The following ANO10 variants were observed in gnomAD, a reference collection of about 807,000 sequenced individuals.
The protein encoded by ANO10 is anoctamin 10.
ANO10 carries 77 observed loss-of-function variants against 74.7 expected under a neutral mutation model. The observed-to-expected ratio is 1.03, with a 90% CI of 0.86 to 1.25. The LOEUF (loss-of-function observed/expected upper bound fraction) is 1.25. Among genes scored for constraint, ANO10 ranks in the 50% most tolerant of loss-of-function variants. The probability of loss-of-function intolerance (pLI) is 0.00; values close to 1 mark genes in which losing one functional copy is unlikely to be tolerated. For synonymous variants in ANO10, 279 were observed against 284.9 expected (o/e 0.98, Z 0.21); for missense variants, 721 against 778.1 (o/e 0.93, Z 0.87).
chr3:43,471,118 TTC>T (rs1185141777), intron 11 of ANO10, among the ~76,000 whole-genome samples: 4 of 152,232 alleles, frequency 2.6e-5, no homozygotes, highest in Non-Finnish European at 4.4e-5. Flanking sequence ...TAATGATTTC[TTC>T]TCTTACATAA....
intron 11 of ANO10, among the ~76,000 whole-genome samples, chr3:43,488,045 C>T (rs1188417351): frequency 6.6e-6 from 1 of 152,150 alleles, no homozygotes; most frequent in Non-Finnish European, 1.5e-5. Flanking sequence ...CTTTGAAAAA[C>T]CTGACAAAAA....
At chr3:43,674,296 T>TGTA in intron 1 of ANO10, among the ~76,000 whole-genome samples, 1 of 152,176 alleles carries the variant, frequency 6.6e-6, no homozygotes, top group Non-Finnish European at 1.5e-5. Flanking sequence ...TGCATCACCA[T>TGTA]ACACAGCTAA....
chr3:43,442,002 A>T (rs1160843525), intron 11 of ANO10, among the ~76,000 whole-genome samples: 2 of 152,158 alleles, frequency 1.3e-5, no homozygotes, highest in African/African-American at 4.8e-5. Flanking sequence ...AAATTACCTT[A>T]ACATACTAAA....
At chr3:43,541,567 AT>A (rs1435232156) in intron 11 of ANO10, among the ~76,000 whole-genome samples, 1 of 152,234 alleles carries the variant, frequency 6.6e-6, no homozygotes, top group African/African-American at 2.4e-5. Context: ...CAAAGTCCTT[AT>A]AATTATAAAT....
rs1377219987 is a variant in ANO10 at position 43,444,733 on chromosome 3, A to ACACAG, written c.1798-12011_1798-12007dup. Among the ~76,000 whole-genome samples the ACACAG allele has an allele frequency of 2.5e-4, 38 of 152,186 alleles. 1 individual carries two copies. The highest frequency in any genetic ancestry group is 8.8e-5 in the Non-Finnish European group (6 of 68,028). On this transcript the variant is annotated intron_variant, in intron 11 of 12. Transcript: ENST00000292246. Reference sequence around the variant, plus strand: ...ACAATCGACCTCCTGTGGTCACCTGACACAGTCATGGCGAGGACGGCAGGG... The same window carrying ACACAG: ...ACAATCGACCTCCTGTGGTCACCTGACACAGCACAGTCATGGCGAGGACGGCAGGG...
At chr3:43,653,666 T>C (rs2083813726) in intron 1 of ANO10, among the ~76,000 whole-genome samples, 1 of 152,212 alleles carries the variant, frequency 6.6e-6, no homozygotes, top group Non-Finnish European at 1.5e-5. Flanking sequence ...CCTAAGTCTC[T>C]AATAATAGGT....
At chr3:43,592,415 C>A (rs1224529374) in intron 4 of ANO10, among the ~76,000 whole-genome samples, 1 of 152,198 alleles carries the variant, frequency 6.6e-6, no homozygotes, top group Non-Finnish European at 1.5e-5. Flanking sequence ...GAGGAACGAT[C>A]AGGCTGCAAC....
intron 11 of ANO10, among the ~76,000 whole-genome samples, chr3:43,482,799 G>A (rs2076322523): frequency 6.6e-6 from 1 of 152,220 alleles, no homozygotes. Flanking sequence ...GCAAGGATGG[G>A]TTGCAGGGTG....
At chr3:43,681,684 G>C (rs576409325) in intron 1 of ANO10, among the ~76,000 whole-genome samples, 256 of 152,226 alleles carry the variant, frequency 1.7e-3, no homozygotes, top group South Asian at 3.1e-3. Flanking sequence ...TGGAAGTAAA[G>C]CACTCCTCAG....
chr3:43,379,644 C>A (rs971522721), intron 12 of ANO10, among the ~76,000 whole-genome samples: 2 of 152,138 alleles, frequency 1.3e-5, no homozygotes, highest in East Asian at 3.8e-4. Context: ...ATAAACTCAG[C>A]GCTGTTGTGG....
At chr3:43,459,751 G>A (rs1242255882) in intron 11 of ANO10, among the ~76,000 whole-genome samples, 1 of 152,098 alleles carries the variant, frequency 6.6e-6, no homozygotes. Context: ...AGTTAGTGAG[G>A]GCTCGCCCAT....
chr3:43,677,747 C>T (rs1231156276), intron 1 of ANO10, among the ~76,000 whole-genome samples: 2 of 152,202 alleles, frequency 1.3e-5, no homozygotes, highest in Non-Finnish European at 2.9e-5. Flanking sequence ...ACATGGCTAG[C>T]AAGGCTTCCT....
chr3:43,651,273 TA>T (rs1286390333), intron 1 of ANO10, among the ~76,000 whole-genome samples: 8 of 147,488 alleles, frequency 5.4e-5, no homozygotes, highest in African/African-American at 2.2e-4. Context: ...ACAAAGCTTT[TA>T]ATAGTGTACA....
At chr3:43,635,086 T>C (rs1448453701) in intron 1 of ANO10, among the ~76,000 whole-genome samples, 2 of 152,014 alleles carry the variant, frequency 1.3e-5, no homozygotes, top group African/African-American at 4.8e-5. Flanking sequence ...GAGGGGTCAT[T>C]GATGCAAAAG....
chr3:43,544,599 C>T (rs2079096882), intron 11 of ANO10, among the ~76,000 whole-genome samples: 1 of 151,954 alleles, frequency 6.6e-6, no homozygotes, highest in African/African-American at 2.4e-5. Context: ...TCGAGATCAG[C>T]CTGGCCAAAA....
At chr3:43,492,956 C>A (rs1424380599) in intron 11 of ANO10, among the ~76,000 whole-genome samples, 2 of 152,082 alleles carry the variant, frequency 1.3e-5, no homozygotes, top group Non-Finnish European at 1.5e-5. Flanking sequence ...CAAAGGATTA[C>A]AAATCATTGT....
At chr3:43,614,196 AC>A (rs987684152) in intron 1 of ANO10, among the ~76,000 whole-genome samples, 38 of 152,354 alleles carry the variant, frequency 2.5e-4, no homozygotes, top group African/African-American at 8.9e-4. Flanking sequence ...TAAAAGGACA[AC>A]CTTATTCATA....
chr3:43,415,662 C>T (rs1435429655), intron 12 of ANO10, among the ~76,000 whole-genome samples: 2 of 152,070 alleles, frequency 1.3e-5, no homozygotes, highest in African/African-American at 2.4e-5. Context: ...CTGCCTCAGC[C>T]TCCCAAGTAG....
chr3:43,559,059 C>A (rs543142155), intron 9 of ANO10, among the ~76,000 whole-genome samples: 1 of 152,288 alleles, frequency 6.6e-6, no homozygotes, highest in South Asian at 2.1e-4. Context: ...GGTCTTGAAC[C>A]TTCTTTCTGA....
Sources: allele counts gnomAD v4.1 joint callset (sites outside exome capture counted in the v4.1 genomes callset), GRCh38; gene constraint gnomAD v4.1.1; transcripts MANE v1.5; gene names NCBI Gene and HGNC (gene_info 2026-07-23, HGNC 2026-07-21).